CPEB1: variants seen among roughly 807,000 people sequenced by gnomAD.
CPEB1 encodes the protein cytoplasmic polyadenylation element-binding protein 1.
A neutral mutation model predicts 65.8 loss-of-function variants in CPEB1; 7 were observed. The ratio of observed to expected loss-of-function variants is 0.11; its 90% CI spans 0.06 to 0.20. The LOEUF is 0.20. CPEB1 is among the 10% of genes least tolerant of loss of function. CPEB1 has a pLI of 1.00. For synonymous variants in CPEB1, 262 were observed against 260.0 expected (o/e 1.01, Z -0.08); for missense variants, 551 against 712.2 (o/e 0.77, Z 2.58).
chr15:82,572,965 A>C (rs376387612), intron 3 of CPEB1: 1 of 1,378,604 alleles, frequency 7.3e-7, no homozygotes, highest in Non-Finnish European at 9.5e-7. Context: ...CTTCCTCATA[A>C]AGGAGGGTAG....
At chr15:82,613,379 GTTT>G (rs1169465337) in intron 3 of CPEB1, among the ~76,000 whole-genome samples, 1 of 151,966 alleles carries the variant, frequency 6.6e-6, no homozygotes, top group Non-Finnish European at 1.5e-5. Context: ...TTTCTTGGGG[GTTT>G]TTTTGTTTTG....
chr15:82,613,475 C>T (rs1245392722), intron 3 of CPEB1, among the ~76,000 whole-genome samples: 2 of 151,932 alleles, frequency 1.3e-5, no homozygotes, highest in Non-Finnish European at 2.9e-5. Context: ...GCAATCTCCA[C>T]CTCCTGAGCT....
chr15:82,552,379 A>C, intron 9 of CPEB1, 101 bp downstream of exon 9: 9 of 1,170,610 alleles, frequency 7.7e-6, no homozygotes, highest in Non-Finnish European at 1.1e-5. Context: ...CTCAGCAGGA[A>C]TACTCCTTGC....
At chr15:82,587,578 A>C (rs749428777) in intron 3 of CPEB1, among the ~76,000 whole-genome samples, 142 of 152,348 alleles carry the variant, frequency 9.3e-4, no homozygotes, top group Middle Eastern at 6.8e-3. Flanking sequence ...CAAAGTCATC[A>C]AAAACAACTG....
chr15:82,615,415 G>T (rs2044619443), intron 3 of CPEB1, among the ~76,000 whole-genome samples: 1 of 152,126 alleles, frequency 6.6e-6, no homozygotes. Context: ...TAGGAAGACA[G>T]TCAATTTAGT....
At chr15:82,583,817 T>C (rs1036918657) in intron 3 of CPEB1, among the ~76,000 whole-genome samples, 1 of 152,162 alleles carries the variant, frequency 6.6e-6, no homozygotes, top group Non-Finnish European at 1.5e-5. Context: ...TTTCAAAACA[T>C]ATAAAATAGT....
Position 82,592,712 on chromosome 15 carries a change from G to A in CPEB1, c.272-21180C>T, listed in dbSNP as rs965017210. On this transcript the variant is annotated intron_variant, in intron 3 of 12. Coordinates refer to ENST00000684509, the MANE Select transcript of CPEB1 (RefSeq NM_001365242.1). The stretch of plus-strand genomic sequence containing the variant: ...AAGAATCCTAACAATTGGGCCGGGC[G>A]CGGTGGTTCACGCCTGTAATCCGAG... 5.9e-5 allele frequency among the ~76,000 whole-genome samples: 9 copies of A among 152,022 alleles called. No individual in the cohort carries two copies. In the East Asian group the frequency reaches 7.8e-4, roughly 13 times the overall value.
At chr15:82,601,313 G>A (rs2043104255) in intron 3 of CPEB1, among the ~76,000 whole-genome samples, 1 of 151,894 alleles carries the variant, frequency 6.6e-6, no homozygotes, top group Admixed American at 6.6e-5. Context: ...GGCCAAGGCG[G>A]GTGGATCACC....
intron 4 of CPEB1, among the ~76,000 whole-genome samples, chr15:82,566,700 C>T (rs2039187122): frequency 6.8e-6 from 1 of 146,600 alleles, no homozygotes; most frequent in African/African-American, 2.4e-5. Context: ...CATCCTGCCC[C>T]TGTCACTAAC....
chr15:82,572,907 C>A (rs1359370233), intron 3 of CPEB1: 1 of 875,244 alleles, frequency 1.1e-6, no homozygotes, highest in Non-Finnish European at 1.6e-6. Context: ...TTTGCCATCT[C>A]CTCCCACATC....
chr15:82,618,742 C>T (rs2045002759), intron 3 of CPEB1, among the ~76,000 whole-genome samples: 1 of 152,038 alleles, frequency 6.6e-6, no homozygotes, highest in African/African-American at 2.4e-5. Context: ...CATTAAATAC[C>T]ATCAAAACCT....
intron 3 of CPEB1, among the ~76,000 whole-genome samples, chr15:82,595,922 T>A (rs1596080046): frequency 6.6e-6 from 1 of 152,330 alleles, no homozygotes; most frequent in East Asian, 1.9e-4. Context: ...AACCTAAGTC[T>A]GCTCAAGTCT....
chr15:82,573,249 T>TAA, intron 3 of CPEB1: 1 of 939,266 alleles, frequency 1.1e-6, no homozygotes, highest in Non-Finnish European at 1.5e-6. Context: ...TTTTTTTTTT[T>TAA]AAAGCTTTGC....
chr15:82,642,741 C>G (rs887780850), intron 1 of CPEB1, among the ~76,000 whole-genome samples: 1 of 152,266 alleles, frequency 6.6e-6, no homozygotes, highest in South Asian at 2.1e-4. Flanking sequence ...AGAGTCAGTA[C>G]AGTTTATATA....
chr15:82,560,072 A>C (rs2037935611), intron 4 of CPEB1, among the ~76,000 whole-genome samples: 1 of 152,196 alleles, frequency 6.6e-6, no homozygotes, highest in South Asian at 2.1e-4. Context: ...TGATAGAGCA[A>C]GACTCTGAAA....
chr15:82,604,530 C>A (rs539165574), intron 3 of CPEB1, among the ~76,000 whole-genome samples: 1 of 148,144 alleles, frequency 6.8e-6, no homozygotes, highest in Non-Finnish European at 1.5e-5. Context: ...ATCCAAGGAA[C>A]TAAAGTATGA....
intron 1 of CPEB1, among the ~76,000 whole-genome samples, chr15:82,640,358 A>G (rs1050113688): frequency 2.2e-4 from 33 of 152,102 alleles, no homozygotes; most frequent in Admixed American, 1.5e-3. Flanking sequence ...TTATACTCAT[A>G]TGTGCTCATT....
intron 3 of CPEB1, among the ~76,000 whole-genome samples, chr15:82,618,655 A>G (rs766173470): frequency 3.9e-5 from 6 of 152,210 alleles, no homozygotes; most frequent in Non-Finnish European, 8.8e-5. Context: ...AGCCAACACT[A>G]GATAGGGCTG....
intron 3 of CPEB1, among the ~76,000 whole-genome samples, chr15:82,594,425 A>G (rs369707449): frequency 6.6e-6 from 1 of 152,164 alleles, no homozygotes; most frequent in African/African-American, 2.4e-5. Context: ...CTAGCTTCCA[A>G]ATTTTCTTGT....
Sources: gnomAD v4.1 joint callset for allele counts (sites outside exome capture counted in the v4.1 genomes callset) on GRCh38, gnomAD v4.1.1 for gene constraint, MANE v1.5 for transcripts, NCBI Gene and HGNC (gene_info 2026-07-23, HGNC 2026-07-21) for gene names.